STXBP5: variants seen among roughly 807,000 people sequenced by gnomAD.
The protein encoded by STXBP5 is syntaxin-binding protein 5.
In STXBP5, 50 loss-of-function variants were observed where a neutral mutation model predicts 152.4. That is an observed-to-expected ratio of 0.33 (90% confidence interval 0.26 to 0.42). The LOEUF (loss-of-function observed/expected upper bound fraction) is 0.42, where lower values mean the gene tolerates loss of function less well. STXBP5 is among the 10% of genes least tolerant of loss of function. The pLI, the probability that STXBP5 is intolerant of heterozygous loss-of-function variation, is 1.00. For synonymous variants in STXBP5, 492 were observed against 494.7 expected, an observed-to-expected ratio of 0.99 and a Z score of 0.07; for missense variants, 1,167 against 1,388.6, an observed-to-expected ratio of 0.84 and a Z score of 2.54.
chr6:147,303,526 A>G (rs1781933511), intron 9 of STXBP5, among the ~76,000 whole-genome samples: 1 of 152,178 alleles, frequency 6.6e-6, no homozygotes, highest in Admixed American at 6.5e-5. Flanking sequence ...TAATACAGTA[A>G]ATTGGCACCA....
intron 18 of STXBP5, among the ~76,000 whole-genome samples, chr6:147,327,563 C>A (rs1196477855): frequency 6.6e-6 from 1 of 152,096 alleles, no homozygotes. Context: ...CACCTCAACC[C>A]TCTGAGTAGC....
At chr6:147,278,256 GT>G in intron 8 of STXBP5, 52 bp downstream of exon 8, 5 of 1,457,650 alleles carry the variant, frequency 3.4e-6, no homozygotes, top group Non-Finnish European at 4.6e-6. Flanking sequence ...ACAGTAAACT[GT>G]TTTGTTTGAG....
intron 21 of STXBP5, among the ~76,000 whole-genome samples, chr6:147,346,461 A>G (rs1042153501): frequency 9.9e-5 from 15 of 152,154 alleles, no homozygotes; most frequent in Non-Finnish European, 4.4e-5. Flanking sequence ...ATACACGGCC[A>G]GGCGCAGTGG....
At chr6:147,359,410 A>G (rs1257739072) in intron 23 of STXBP5, 87 bp downstream of exon 23, 5 of 1,481,906 alleles carry the variant, frequency 3.4e-6, no homozygotes, top group Non-Finnish European at 4.5e-6. Flanking sequence ...GAATTGATCT[A>G]AGAATTCCAA....
rs1439813905 is a variant in STXBP5, at chr6:147,386,741, G to A, written c.*1986G>A. On this transcript the variant is annotated 3_prime_UTR_variant, in exon 28 of 28. Transcript: ENST00000321680. ...GGAATTGTTAGGTCCTATTTTAAAGGTACAGTTTTGTGAATGTCATCAATA... is the reference window on the plus strand; with the variant it reads ...GGAATTGTTAGGTCCTATTTTAAAGATACAGTTTTGTGAATGTCATCAATA... 2.0e-5 allele frequency: 3 copies of A among 151,686 alleles called. No homozygotes were observed. Among genetic ancestry groups the A allele is most frequent in the Admixed American group, 6.6e-5 (1 of 15,192 alleles). 9.4% of individuals were successfully genotyped at this position (151,686 alleles called of 1,614,324 possible). A position where few individuals can be genotyped will look rare whatever the true frequency, so the allele number is the denominator to read the frequency against.
chr6:147,206,114 C>G, intron 2 of STXBP5, 46 bp downstream of exon 2: 5 of 1,537,112 alleles, frequency 3.3e-6, no homozygotes, highest in Non-Finnish European at 4.5e-6. Flanking sequence ...TTTGTTCTCC[C>G]CAGTCCTTCT....
intron 7 of STXBP5, among the ~76,000 whole-genome samples, chr6:147,276,324 T>C (rs1272691842): frequency 3.3e-5 from 5 of 152,062 alleles, no homozygotes; most frequent in African/African-American, 1.2e-4. Context: ...TTTTGTGGGG[T>C]GTTTTCTGTT....
chr6:147,230,659 CTGTGTGTGTGTG>C (rs148015603), intron 2 of STXBP5, among the ~76,000 whole-genome samples: 2 of 148,990 alleles, frequency 1.3e-5, no homozygotes, highest in Non-Finnish European at 3.0e-5. Context: ...ATATATTTTG[CTGTGTGTGTGTG>C]TGTGTATGTG....
At chr6:147,205,279 C>CT (rs1457756774) in intron 1 of STXBP5, among the ~76,000 whole-genome samples, 1 of 151,810 alleles carries the variant, frequency 6.6e-6, no homozygotes, top group Non-Finnish European at 1.5e-5. Flanking sequence ...TCACCAGCTG[C>CT]TTAATGAGAA....
At chr6:147,264,076 TTA>T (rs907656190) in intron 6 of STXBP5, among the ~76,000 whole-genome samples, 4 of 150,486 alleles carry the variant, frequency 2.7e-5, no homozygotes, top group Non-Finnish European at 3.0e-5. Context: ...AGTAAATAAG[TTA>T]TATATATATA....
At chr6:147,309,603 A>G (rs1226708163) in intron 9 of STXBP5, among the ~76,000 whole-genome samples, 2 of 152,162 alleles carry the variant, frequency 1.3e-5, no homozygotes, top group South Asian at 2.1e-4. Context: ...AAATTAAGGC[A>G]TGATTTGAGT....
intron 27 of STXBP5, 60 bp downstream of exon 27, chr6:147,383,058 A>G (rs1467459781): frequency 7.1e-6 from 11 of 1,552,088 alleles, no homozygotes; most frequent in Non-Finnish European, 9.7e-6. Flanking sequence ...TGTGAATGTT[A>G]CTTTATTTTT....
chr6:147,245,657 T>C (rs1236264855), intron 4 of STXBP5, among the ~76,000 whole-genome samples: 1 of 152,160 alleles, frequency 6.6e-6, no homozygotes, highest in Admixed American at 6.5e-5. Context: ...AATGTGACCT[T>C]AGTTAGAAAT....
intron 21 of STXBP5, among the ~76,000 whole-genome samples, chr6:147,347,749 C>T (rs1784401316): frequency 6.6e-6 from 1 of 152,130 alleles, no homozygotes; most frequent in Non-Finnish European, 1.5e-5. Context: ...AGAAAAGATA[C>T]ATCTTGTAAT....
chr6:147,263,298 A>G (rs138426269), intron 6 of STXBP5, among the ~76,000 whole-genome samples: 247 of 146,002 alleles, frequency 1.7e-3, no homozygotes, highest in Admixed American at 3.1e-3. Context: ...TCATCAAGTC[A>G]TTTTAATTCT....
chr6:147,331,160 A>G (rs1232907424), intron 18 of STXBP5, among the ~76,000 whole-genome samples: 2 of 152,216 alleles, frequency 1.3e-5, no homozygotes, highest in Non-Finnish European at 2.9e-5. Context: ...TTTAAATAGT[A>G]AATGTAGCTT....
intron 4 of STXBP5, among the ~76,000 whole-genome samples, chr6:147,258,355 T>A (rs949522362): frequency 2.6e-5 from 4 of 152,244 alleles, no homozygotes; most frequent in African/African-American, 9.6e-5. Flanking sequence ...CTTAAAATTA[T>A]TAAATAACGA....
At chr6:147,275,547 T>C (rs1421023397) in intron 7 of STXBP5, among the ~76,000 whole-genome samples, 4 of 128,270 alleles carry the variant, frequency 3.1e-5, no homozygotes, top group African/African-American at 1.1e-4. Context: ...CAAGTAAATA[T>C]TCTTTTTTTT....
intron 6 of STXBP5, among the ~76,000 whole-genome samples, chr6:147,263,733 C>G (rs1173663065): frequency 6.6e-6 from 1 of 151,950 alleles, no homozygotes; most frequent in Non-Finnish European, 1.5e-5. Context: ...TTCCATCTCT[C>G]TGCTGAATTC....
Sources: gnomAD v4.1 joint callset for allele counts (sites outside exome capture counted in the v4.1 genomes callset) on GRCh38, gnomAD v4.1.1 for gene constraint, MANE v1.5 for transcripts, NCBI Gene and HGNC (gene_info 2026-07-23, HGNC 2026-07-21) for gene names.